SLC23A2: variants seen among roughly 807,000 people sequenced by gnomAD.
SLC23A2 encodes solute carrier family 23 member 2, also known as Na(+)/L-ascorbic acid transporter 2.
In SLC23A2, 36 loss-of-function variants were observed where a neutral mutation model predicts 73.3. That is an observed-to-expected ratio of 0.49 (90% CI 0.38 to 0.65). SLC23A2 has a LOEUF of 0.65. Among genes scored for constraint, SLC23A2 ranks in the 30% least tolerant of loss-of-function variants. The probability of loss-of-function intolerance (pLI) is 0.00; values close to 1 mark genes in which losing one functional copy is unlikely to be tolerated. For synonymous variants in SLC23A2, 343 were observed against 327.3 expected (o/e 1.05, Z -0.52); for missense variants, 507 against 841.6 (o/e 0.60, Z 4.92).
At chr20:4,994,004 C>G (rs1305200963) in intron 1 of SLC23A2, among the ~76,000 whole-genome samples, 1 of 152,172 alleles carries the variant, frequency 6.6e-6, no homozygotes, top group East Asian at 1.9e-4. Context: ...GTGGGAGGAT[C>G]TCTTGAGCCC....
chr20:4,966,460 G>C (rs1024932196), intron 2 of SLC23A2, among the ~76,000 whole-genome samples: 1 of 152,118 alleles, frequency 6.6e-6, no homozygotes, highest in Non-Finnish European at 1.5e-5. Context: ...TCTTAAACGT[G>C]TTGGTCCAAC....
intron 2 of SLC23A2, among the ~76,000 whole-genome samples, chr20:4,967,448 C>T (rs2087491054): frequency 6.6e-6 from 1 of 152,170 alleles, no homozygotes; most frequent in South Asian, 2.1e-4. Context: ...GTAACTGTTA[C>T]ACAACTGTTC....
intron 1 of SLC23A2, among the ~76,000 whole-genome samples, chr20:4,977,018 T>C (rs2087652872): frequency 1.3e-5 from 2 of 151,978 alleles, no homozygotes; most frequent in Admixed American, 1.3e-4. Context: ...AAATCACTGT[T>C]CTAGAAAAGT....
rs372816064 is a variant in SLC23A2, at chr20:4,926,078, T to C, written c.108+6377A>G. On this transcript the variant is annotated intron_variant, in intron 3 of 16. Coordinates refer to ENST00000338244, the MANE Select transcript of SLC23A2 (RefSeq NM_005116.6). ...GAGGCTGTGGGCTCTTCCCATTACA[T>C]GTTCTGAAGAACACACACCAAGGTA... Among the ~76,000 whole-genome samples the C allele has an allele frequency of 1.8e-4, 27 of 152,314 alleles. No homozygotes were observed. The East Asian group carries it at 4.4e-3, about 25-fold the overall frequency.
At chr20:4,938,402 G>A (rs1223930078) in intron 2 of SLC23A2, among the ~76,000 whole-genome samples, 2 of 148,338 alleles carry the variant, frequency 1.3e-5, no homozygotes, top group East Asian at 2.0e-4. Flanking sequence ...GCAATGGTGC[G>A]ATCTCGGCTC....
At chr20:4,945,421 G>C (rs2087105471) in intron 2 of SLC23A2, among the ~76,000 whole-genome samples, 1 of 152,110 alleles carries the variant, frequency 6.6e-6, no homozygotes, top group Non-Finnish European at 1.5e-5. Context: ...GAGTAGCTGT[G>C]ACCACAGGCA....
chr20:4,992,513 T>G (rs1354650148), intron 1 of SLC23A2, among the ~76,000 whole-genome samples: 3 of 149,898 alleles, frequency 2.0e-5, no homozygotes, highest in Non-Finnish European at 4.4e-5. Context: ...GTTTTTTTTT[T>G]TTTTTTTTTT....
rs1355879932 is a variant in SLC23A2 at position 4,966,385 on chromosome 20, G to T, written c.-155+4408C>A. Among the ~76,000 whole-genome samples the T allele has an allele frequency of 3.3e-5, 5 of 152,140 alleles. No individual in the cohort carries two copies. In the East Asian group the frequency reaches 5.8e-4, roughly 18 times the overall value. ...AACATATTGCTCAGTGGTAAGTAAA[G>T]CTATGTGGGGTTTAAACTGTGCTAT... On this transcript the variant is annotated intron_variant, in intron 2 of 16. Transcript: ENST00000338244.
chr20:4,862,220 G>T lies in SLC23A2; in HGVS notation c.1487-135C>A. 1.2e-6 allele frequency: 1 copy of T among 838,058 alleles called. No homozygotes were observed. Among genetic ancestry groups the T allele is most frequent in the Non-Finnish European group, 1.9e-6 (1 of 539,268 alleles). 51.9% of individuals were successfully genotyped at this position (838,058 alleles called of 1,614,324 possible). A position where few individuals can be genotyped will look rare whatever the true frequency, so the allele number is the denominator to read the frequency against. On this transcript the variant is annotated intron_variant, in intron 14 of 16. Coordinates refer to ENST00000338244, the MANE Select transcript of SLC23A2 (RefSeq NM_005116.6). This position sits in a 1 kb window ranked among gnomAD's most constrained non-coding sequence, Gnocchi z 5.1. ...ATGAGACCAGTGCAGGGACAGGAAGGGGGACGTGTGGGGTCAGACTGTAGC... is the reference window on the plus strand; with the variant it reads ...ATGAGACCAGTGCAGGGACAGGAAGTGGGACGTGTGGGGTCAGACTGTAGC...
chr20:4,990,083 G>A (rs1429698044), intron 1 of SLC23A2, among the ~76,000 whole-genome samples: 1 of 152,110 alleles, frequency 6.6e-6, no homozygotes, highest in Non-Finnish European at 1.5e-5. Context: ...TGTCAGTTGT[G>A]ACAAAAATGG....
intron 6 of SLC23A2, among the ~76,000 whole-genome samples, chr20:4,893,798 C>T (rs1417727427): frequency 6.6e-6 from 1 of 152,190 alleles, no homozygotes; most frequent in Non-Finnish European, 1.5e-5. Flanking sequence ...GAGGGGGCAT[C>T]CTACCTTTCA....
chr20:4,942,557 C>T (rs761828448), intron 2 of SLC23A2, among the ~76,000 whole-genome samples: 4 of 152,196 alleles, frequency 2.6e-5, no homozygotes, highest in African/African-American at 4.8e-5. Flanking sequence ...CCAACAATCA[C>T]GCACAAATGC....
chr20:4,878,434 C>T (rs1012038213), intron 9 of SLC23A2, among the ~76,000 whole-genome samples: 1 of 152,184 alleles, frequency 6.6e-6, no homozygotes. Context: ...GATCTGCCCA[C>T]CTTGGCCTCC....
chr20:4,951,539 A>G (rs955518907), intron 2 of SLC23A2, among the ~76,000 whole-genome samples: 2 of 152,186 alleles, frequency 1.3e-5, no homozygotes, highest in Non-Finnish European at 2.9e-5. Context: ...GAAGCCAGCT[A>G]TGCTGTATGA....
chr20:4,999,976 G>A (rs536647278), intron 1 of SLC23A2, among the ~76,000 whole-genome samples: 3 of 152,248 alleles, frequency 2.0e-5, no homozygotes, highest in East Asian at 3.9e-4. Context: ...ATGTCACATG[G>A]AACAGGCTGG....
intron 2 of SLC23A2, among the ~76,000 whole-genome samples, chr20:4,937,527 TTAAA>T (rs2086978779): frequency 6.6e-6 from 1 of 152,190 alleles, no homozygotes; most frequent in Admixed American, 6.5e-5. Context: ...TGACCTCTTA[TTAAA>T]TAAATGACAG....
intron 1 of SLC23A2, among the ~76,000 whole-genome samples, chr20:4,971,465 A>C (rs1023823079): frequency 1.3e-5 from 2 of 151,646 alleles, no homozygotes; most frequent in East Asian, 3.9e-4. Context: ...TGGATGACAG[A>C]GTGAGACTCT....
intron 6 of SLC23A2, among the ~76,000 whole-genome samples, chr20:4,894,852 GA>G (rs1299956716): frequency 1.3e-5 from 2 of 152,156 alleles, no homozygotes; most frequent in Admixed American, 1.3e-4. Flanking sequence ...TTTATAGAAT[GA>G]AACAGGTTTC....
chr20:4,859,183 T>C, intron 16 of SLC23A2, 106 bp downstream of exon 16: 2 of 722,722 alleles, frequency 2.8e-6, no homozygotes, highest in Non-Finnish European at 4.9e-6. Context: ...AGTGATGGCT[T>C]TGAACTCATT....
Sources: allele counts gnomAD v4.1 joint callset (sites outside exome capture counted in the v4.1 genomes callset), GRCh38; gene constraint gnomAD v4.1.1; non-coding constraint Gnocchi (gnomAD v3.1); transcripts MANE v1.5; gene names NCBI Gene and HGNC (gene_info 2026-07-23, HGNC 2026-07-21).